Variants in DCLRE1C observed in about 807,000 individuals in gnomAD.
The protein encoded by DCLRE1C is protein artemis.
In DCLRE1C, 47 loss-of-function variants were observed where a neutral mutation model predicts 61.4. The observed-to-expected ratio is 0.77, with a 90% CI of 0.61 to 0.98. The LOEUF is 0.98. Ranked by LOEUF, DCLRE1C falls within the 50% of genes least tolerant of loss-of-function variation. The pLI is 0.00. For synonymous variants in DCLRE1C, 337 were observed against 287.6 expected, an observed-to-expected ratio of 1.17 and a Z score of -1.74; for missense variants, 858 against 816.0, an observed-to-expected ratio of 1.05 and a Z score of -0.63.
chr10:14,901,381 A>G, downstream of DCLRE1C: 2 of 1,356,362 alleles, frequency 1.5e-6, no homozygotes, highest in Non-Finnish European at 2.0e-6. Context: ...AAGTTGAGGC[A>G]CTAAGTTTGT....
At chr10:14,952,458 C>T (rs1019818769) in intron 1 of DCLRE1C, among the ~76,000 whole-genome samples, 16 of 152,034 alleles carry the variant, frequency 1.1e-4, no homozygotes, top group Admixed American at 3.3e-4. Flanking sequence ...TGTGGTGGTG[C>T]GTGCCTGTAA....
Position 14,908,736 on chromosome 10 carries a change from T to TCTTTGATTGTTGGTCTGTAGTCAG in DCLRE1C, c.1727_1750dup (p.Ala576_Lys583dup), listed in dbSNP as rs1398105107. ...TTCCATGAGAGAGGCAGGAATATTC[T>TCTTTGATTGTTGGTCTGTAGTCAG]CTTTGATTGTTGGTCTGTAGTCAGC... On this transcript the variant is annotated inframe_insertion, in exon 14 of 14. Coordinates refer to ENST00000378278, the MANE Select transcript of DCLRE1C (RefSeq NM_001033855.3). 6.2e-7 allele frequency: 1 copy of TCTTTGATTGTTGGTCTGTAGTCAG among 1,614,246 alleles called. No individual in the cohort carries two copies. Among genetic ancestry groups the TCTTTGATTGTTGGTCTGTAGTCAG allele is most frequent in the South Asian group, 1.1e-5 (1 of 91,086 alleles).
At chr10:14,910,694 A>G (rs572224924) in intron 13 of DCLRE1C, among the ~76,000 whole-genome samples, 6 of 152,340 alleles carry the variant, frequency 3.9e-5, no homozygotes, top group African/African-American at 9.6e-5. Context: ...ACATTTATCA[A>G]AAAGGAGTGT....
intron 3 of DCLRE1C, among the ~76,000 whole-genome samples, chr10:14,944,693 T>TA (rs1227344610): frequency 2.8e-5 from 4 of 141,822 alleles, no homozygotes; most frequent in Non-Finnish European, 6.2e-5. Context: ...TTTTTTTTTT[T>TA]AGATGGAGTC....
At chr10:14,897,766 T>TG (rs1833689124) in exon 14 of DCLRE1C, 1 of 267,998 alleles carries the variant, frequency 3.7e-6, no homozygotes, top group African/African-American at 2.2e-5. Flanking sequence ...ACATTCCTAC[T>TG]AGTCAAACCT....
chr10:14,949,096 A>G lies in DCLRE1C; in HGVS notation c.110-9T>C. The G allele has an allele frequency of 1.3e-6, 2 of 1,597,138 alleles. No individual in the cohort carries two copies. The highest frequency in any genetic ancestry group is 3.3e-5 in the Admixed American group (2 of 59,856). ...TAATCCTTTCATGTGATCTAAAAAC[A>G]AAAGAACAAAAACTCATGAATATGT... is the stretch of plus-strand genomic sequence containing the variant. On this transcript the variant is annotated splice_polypyrimidine_tract_variant and intron_variant, in intron 1 of 13. Transcript: ENST00000378278.
Position 14,934,065 on chromosome 10 carries a change from G to C in DCLRE1C, c.678+315C>G, listed in dbSNP as rs1250466854. Among the ~76,000 whole-genome samples the C allele has an allele frequency of 5.3e-5, 8 of 152,040 alleles. No homozygotes were observed. The East Asian group carries it at 9.7e-4, about 18-fold the overall frequency. Reference sequence around the variant, plus strand: ...TGAACAGACTGGGAACACTGGCTCAGGCCTATAATCCCAGCACTTTAGGAG... The same window carrying C: ...TGAACAGACTGGGAACACTGGCTCACGCCTATAATCCCAGCACTTTAGGAG... On this transcript the variant is annotated intron_variant, in intron 8 of 13. Coordinates refer to ENST00000378278, the MANE Select transcript of DCLRE1C (RefSeq NM_001033855.3).
At chr10:14,910,826 T>C (rs186329417) in intron 13 of DCLRE1C, among the ~76,000 whole-genome samples, 1 of 152,234 alleles carries the variant, frequency 6.6e-6, no homozygotes, top group African/African-American at 2.4e-5. Flanking sequence ...AATCAGAAAC[T>C]ATCTCTCAAG....
rs994841590 is a variant in DCLRE1C, at chr10:14,905,455, A to C, written c.*2953T>G. 3.9e-5 allele frequency among the ~76,000 whole-genome samples: 6 copies of C among 152,204 alleles called. No homozygotes were observed. Among genetic ancestry groups the C allele is most frequent in the African/African-American group, 9.6e-5 (4 of 41,454 alleles). ...TCTTTTATGCCTTTTATATGTATTCATGTGCTTCTAATGAACCTGTCAGGT... is the reference window on the plus strand; with the variant it reads ...TCTTTTATGCCTTTTATATGTATTCCTGTGCTTCTAATGAACCTGTCAGGT... On this transcript the variant is annotated 3_prime_UTR_variant, in exon 14 of 14. Coordinates refer to ENST00000378278, the MANE Select transcript of DCLRE1C (RefSeq NM_001033855.3).
chr10:14,944,120 C>T (rs1841304575), intron 3 of DCLRE1C, among the ~76,000 whole-genome samples: 1 of 152,086 alleles, frequency 6.6e-6, no homozygotes, highest in Non-Finnish European at 1.5e-5. Context: ...TTACTCTATC[C>T]CACAATTTAA....
At chr10:14,944,976 G>A in intron 3 of DCLRE1C, 129 bp downstream of exon 3, 1 of 685,372 alleles carries the variant, frequency 1.5e-6, no homozygotes, top group Non-Finnish European at 2.5e-6. Context: ...TGTCCGGCCA[G>A]AGACTCAATA....
At chr10:14,952,556 C>T (rs1489970865) in intron 1 of DCLRE1C, among the ~76,000 whole-genome samples, 4 of 152,098 alleles carry the variant, frequency 2.6e-5, no homozygotes, top group African/African-American at 9.7e-5. Flanking sequence ...CCACTGCACT[C>T]CAGCCTGGTG....
At chr10:14,940,285 C>T (rs1022257759) in intron 3 of DCLRE1C, among the ~76,000 whole-genome samples, 4 of 103,222 alleles carry the variant, frequency 3.9e-5, no homozygotes, top group South Asian at 3.3e-4. Context: ...ATACACGGTT[C>T]TTTTATTTTT....
At chr10:14,903,336 TGGA>T (rs1404624946), downstream of DCLRE1C, 1 of 152,158 alleles carries the variant, frequency 6.6e-6, no homozygotes, top group Non-Finnish European at 1.5e-5. Flanking sequence ...TAACATGAAT[TGGA>T]AATCTGTGTC....
chr10:14,949,041 C>T lies in DCLRE1C; in HGVS notation c.156G>A (p.Glu52=). The change falls in exon 2 of 14, where the codon GAG becomes GAA. Residue 52 remains glutamate, a synonymous_variant. Coordinates refer to ENST00000378278, the MANE Select transcript of DCLRE1C (RefSeq NM_001033855.3). ...CAAGTAGCAAAATAAATTACCTGCA[C>T]TCCAACCTTCTTTTCAAGGTAGGGG... The part of the protein sequence containing the change: ...LRAPTLKRRL[E]CSLKVYLYCS... The T allele has an allele frequency of 6.2e-7, 1 of 1,609,732 alleles. No homozygotes were observed. The highest frequency in any genetic ancestry group is 1.1e-5 in the South Asian group (1 of 90,882).
At chr10:14,915,726 A>G (rs1194279940) in intron 13 of DCLRE1C, among the ~76,000 whole-genome samples, 3 of 152,232 alleles carry the variant, frequency 2.0e-5, no homozygotes, top group African/African-American at 7.2e-5. Context: ...TAAGAAAGAT[A>G]TAATGCCAAT....
chr10:14,920,403 A>G, intron 12 of DCLRE1C: 3 of 1,013,696 alleles, frequency 3.0e-6, no homozygotes, highest in Non-Finnish European at 3.5e-6. Flanking sequence ...CTCACTGCCA[A>G]CTGCCTCCTC....
chr10:14,952,100 C>T (rs41304304), intron 1 of DCLRE1C, among the ~76,000 whole-genome samples: 2 of 152,278 alleles, frequency 1.3e-5, no homozygotes, highest in East Asian at 1.9e-4. Context: ...AATGCACAAA[C>T]TTATGATGAT....
chr10:14,929,801 CCACT>C (rs1400635984), intron 9 of DCLRE1C, among the ~76,000 whole-genome samples: 1 of 152,086 alleles, frequency 6.6e-6, no homozygotes, highest in Non-Finnish European at 1.5e-5. Flanking sequence ...ACGTTCCATC[CCACT>C]CAAATTTCTT....
Sources: gnomAD v4.1 joint callset for allele counts (sites outside exome capture counted in the v4.1 genomes callset) on GRCh38, gnomAD v4.1.1 for gene constraint, MANE v1.5 for transcripts, NCBI Gene and HGNC (gene_info 2026-07-23, HGNC 2026-07-21) for gene names.